CREB5: variants seen among roughly 807,000 people sequenced by gnomAD.
CREB5 encodes the protein cyclic AMP-responsive element-binding protein 5.
CREB5 carries 19 observed loss-of-function variants against 57.1 expected under a neutral mutation model. The observed-to-expected ratio is 0.33, with a 90% CI of 0.23 to 0.49. The LOEUF is 0.49. CREB5 is among the 20% of genes least tolerant of loss of function. The probability of loss-of-function intolerance (pLI) is 0.99; values close to 1 mark genes in which losing one functional copy is unlikely to be tolerated. For synonymous variants in CREB5, 238 were observed against 238.3 expected (o/e 1.00, Z 0.01); for missense variants, 579 against 671.6 (o/e 0.86, Z 1.52).
intron 5 of CREB5, among the ~76,000 whole-genome samples, chr7:28,652,343 G>T (rs574109507): frequency 6.6e-6 from 1 of 152,010 alleles, no homozygotes; most frequent in African/African-American, 2.4e-5. Flanking sequence ...TGGAAGTTTT[G>T]GTTTCACACT....
intron 5 of CREB5, among the ~76,000 whole-genome samples, chr7:28,622,375 C>T (rs1471495274): frequency 1.3e-5 from 2 of 152,050 alleles, no homozygotes; most frequent in Non-Finnish European, 2.9e-5. Context: ...AACCCTTACC[C>T]ACCTGTAGCC....
intron 1 of CREB5, among the ~76,000 whole-genome samples, chr7:28,356,415 C>A (rs1465505972): frequency 2.0e-5 from 3 of 152,156 alleles, no homozygotes; most frequent in African/African-American, 7.2e-5. Flanking sequence ...TTTACAACGT[C>A]GTTTTAGGCA....
chr7:28,483,717 C>T (rs1207002911), intron 1 of CREB5, among the ~76,000 whole-genome samples: 4 of 152,104 alleles, frequency 2.6e-5, no homozygotes, highest in Non-Finnish European at 5.9e-5. Flanking sequence ...TTTAATGATG[C>T]CAATGTCCAT....
chr7:28,560,987 T>TGTGC (rs1795231560), intron 4 of CREB5, among the ~76,000 whole-genome samples: 3 of 64,454 alleles, frequency 4.7e-5, no homozygotes, highest in Admixed American at 1.8e-4. Flanking sequence ...TGTGCGTGCG[T>TGTGC]GTGTGTGCCT....
chr7:28,331,106 A>T (rs1179334228), intron 1 of CREB5, among the ~76,000 whole-genome samples: 5 of 152,138 alleles, frequency 3.3e-5, no homozygotes, highest in Non-Finnish European at 7.4e-5. Context: ...TTGAGTTCAC[A>T]GTTACTGAGC....
intron 5 of CREB5, among the ~76,000 whole-genome samples, chr7:28,700,048 C>A (rs867393082): frequency 6.6e-6 from 1 of 152,232 alleles, no homozygotes. Context: ...ATCAGACAGT[C>A]GATATTCCTA....
intron 2 of CREB5, among the ~76,000 whole-genome samples, chr7:28,491,912 ATT>A (rs952628622): frequency 6.6e-6 from 1 of 152,058 alleles, no homozygotes; most frequent in African/African-American, 2.4e-5. Context: ...TGAAGAAATG[ATT>A]TTTTTCTCCT....
chr7:28,781,513 A>C (rs767360423), intron 7 of CREB5, among the ~76,000 whole-genome samples: 8 of 152,220 alleles, frequency 5.3e-5, no homozygotes, highest in Non-Finnish European at 1.2e-4. Flanking sequence ...CCAGAAGTCA[A>C]CCTGAGAAAT....
intron 6 of CREB5, among the ~76,000 whole-genome samples, chr7:28,719,431 A>T (rs1802890376): frequency 6.6e-6 from 1 of 152,330 alleles, no homozygotes; most frequent in Non-Finnish European, 1.5e-5. Context: ...TGGGTGTATT[A>T]CTGTCCCCAC....
chr7:28,532,448 A>G (rs1325768024), intron 4 of CREB5, among the ~76,000 whole-genome samples: 2 of 152,196 alleles, frequency 1.3e-5, no homozygotes, highest in Admixed American at 1.3e-4. Context: ...CAAAATTGTT[A>G]TCCAGAGATC....
At chr7:28,658,951 G>GTGTATATATATATATATATATATA (rs1554281516) in intron 5 of CREB5, among the ~76,000 whole-genome samples, 19 of 46,974 alleles carry the variant, frequency 4.0e-4, no homozygotes, top group Non-Finnish European at 7.0e-4. Context: ...ATGTGTGTGT[G>GTGTATATATATATATATATATATA]TGTATATATA....
chr7:28,386,679 A>G (rs1289569639), intron 1 of CREB5, among the ~76,000 whole-genome samples: 1 of 152,116 alleles, frequency 6.6e-6, no homozygotes, highest in East Asian at 1.9e-4. Flanking sequence ...ATTTCTCTTA[A>G]GTATTCTTTG....
At chr7:28,426,748 C>T (rs1788525993) in intron 1 of CREB5, among the ~76,000 whole-genome samples, 2 of 151,532 alleles carry the variant, frequency 1.3e-5, no homozygotes, top group Admixed American at 1.3e-4. Context: ...GAAAACGTAT[C>T]TTCTATTGTG....
intron 4 of CREB5, among the ~76,000 whole-genome samples, chr7:28,518,426 T>C (rs1217645289): frequency 6.6e-6 from 1 of 152,222 alleles, no homozygotes; most frequent in Non-Finnish European, 1.5e-5. Context: ...GTCCCCTTCC[T>C]GCCTTCTCCC....
upstream of CREB5, chr7:28,409,668 G>A (rs1415382764): frequency 1.8e-5 from 5 of 280,460 alleles, 1 homozygote; most frequent in South Asian, 8.6e-5. The surrounding 1 kb of genome is among the most constrained non-coding windows in gnomAD (Gnocchi z 4.4). Context: ...AGGGAAGTCC[G>A]GCCCCGAGTG....
intron 5 of CREB5, among the ~76,000 whole-genome samples, chr7:28,698,547 C>T (rs1429306572): frequency 2.0e-5 from 3 of 152,164 alleles, no homozygotes; most frequent in South Asian, 4.1e-4. Context: ...ATTTTATTCA[C>T]TGGTGTCCAG....
intron 5 of CREB5, among the ~76,000 whole-genome samples, chr7:28,611,107 T>G (rs1361085833): frequency 1.3e-5 from 2 of 152,014 alleles, no homozygotes; most frequent in African/African-American, 4.8e-5. Context: ...AGTTAGGAAG[T>G]TAAGAATTTA....
At chr7:28,676,653 T>C (rs1345798985) in intron 5 of CREB5, among the ~76,000 whole-genome samples, 1 of 150,684 alleles carries the variant, frequency 6.6e-6, no homozygotes, top group African/African-American at 2.5e-5. Flanking sequence ...AGAAGGAAAC[T>C]CTGTGCAATC....
intron 5 of CREB5, among the ~76,000 whole-genome samples, chr7:28,650,586 G>C (rs1368638199): frequency 2.0e-5 from 3 of 151,740 alleles, no homozygotes; most frequent in Non-Finnish European, 4.4e-5. Context: ...AATTAGCCTA[G>C]TGCTTCCCCC....
Sources: allele counts gnomAD v4.1 joint callset (sites outside exome capture counted in the v4.1 genomes callset), GRCh38; gene constraint gnomAD v4.1.1; non-coding constraint Gnocchi (gnomAD v3.1); transcripts MANE v1.5; gene names NCBI Gene and HGNC (gene_info 2026-07-23, HGNC 2026-07-21).